The following DBF4B variants were observed in gnomAD, a reference collection of about 807,000 sequenced individuals.
DBF4B encodes the protein DBF4B-CDC7 kinase regulatory subunit.
Under a neutral mutation model 53.4 loss-of-function variants are expected in DBF4B, and 49 were observed. The ratio of observed to expected loss-of-function variants is 0.92; its 90% CI spans 0.73 to 1.16. DBF4B has a LOEUF of 1.16. DBF4B is among the 50% of genes most tolerant of loss of function. The probability of loss-of-function intolerance (pLI) is 0.00; values close to 1 mark genes in which losing one functional copy is unlikely to be tolerated. For missense variants in DBF4B, 692 were observed against 775.0 expected (o/e 0.89, Z 1.27); for synonymous variants, 257 against 288.7 (o/e 0.89, Z 1.11).
At chr17:44,710,449 A>C (rs940857559) in intron 2 of DBF4B, among the ~76,000 whole-genome samples, 1 of 152,164 alleles carries the variant, frequency 6.6e-6, no homozygotes, top group African/African-American at 2.4e-5. Flanking sequence ...GAAAAATTAC[A>C]GTATTTTCTC....
Position 44,730,932 on chromosome 17 carries a change from C to T in DBF4B, c.418-33C>T, listed in dbSNP as rs1215449547. ...ATCTTTCAGTGCACAGGTGGCCTAA[C>T]AGCAGACCTCACTGCTCTTCTGTCC... On this transcript the variant is annotated intron_variant, in intron 4 of 13. Coordinates refer to ENST00000315005, the MANE Select transcript of DBF4B (RefSeq NM_145663.3). 3 of 1,612,708 alleles carry T rather than the reference C, an allele frequency of 1.9e-6. No individual in the cohort carries two copies. The African/African-American group carries it at 4.0e-5, about 22-fold the overall frequency.
At chr17:44,724,982 G>A (rs563835142) in intron 3 of DBF4B, among the ~76,000 whole-genome samples, 27 of 152,156 alleles carry the variant, frequency 1.8e-4, no homozygotes, top group Non-Finnish European at 2.9e-4. Flanking sequence ...CGGGTGTGGC[G>A]GCACATGCCT....
intron 13 of DBF4B, chr17:44,748,798 G>A (rs575320707): frequency 6.3e-5 from 82 of 1,304,072 alleles, no homozygotes; most frequent in East Asian, 2.6e-4. Context: ...CAACCCCTGC[G>A]GCACCAGGAC....
intron 3 of DBF4B, among the ~76,000 whole-genome samples, chr17:44,727,098 C>CAAAAAAAAAAAAAAAAA (rs60326279): frequency 2.0e-5 from 1 of 49,502 alleles, no homozygotes; most frequent in African/African-American, 8.1e-5. Context: ...GACTCCATCT[C>CAAAAAAAAAAAAAAAAA]AAAAAAAAAA....
At chr17:44,727,167 C>A (rs1974434095) in intron 3 of DBF4B, among the ~76,000 whole-genome samples, 1 of 148,352 alleles carries the variant, frequency 6.7e-6, no homozygotes, top group Non-Finnish European at 1.5e-5. Flanking sequence ...TGCCTGTAAT[C>A]CCACTTTGGG....
chr17:44,727,864 A>ATTTTT (rs756222247), intron 3 of DBF4B, among the ~76,000 whole-genome samples: 1 of 106,738 alleles, frequency 9.4e-6, no homozygotes, highest in African/African-American at 3.7e-5. Context: ...TGCCCGGGTA[A>ATTTTT]TTTTTTTTTT....
In DBF4B at chr17:44,708,799, G is replaced by A. The variant is rs367543381; in HGVS notation, c.-22G>A. On this transcript the variant is annotated 5_prime_UTR_variant, in exon 1 of 14. Coordinates refer to ENST00000315005, the MANE Select transcript of DBF4B (RefSeq NM_145663.3). ...AGGCCTCTGAGGAAGGAGTACGGAG[G>A]CCGAGAAGGAGCCGGCATTTGATGA... The A allele has an allele frequency of 1.5e-5, 23 of 1,551,066 alleles. No individual in the cohort carries two copies. Among genetic ancestry groups the A allele is most frequent in the East Asian group, 2.4e-5 (1 of 40,918 alleles).
In DBF4B at chr17:44,749,393, G is replaced by C; in HGVS notation, c.1189+928G>C. On this transcript the variant is annotated intron_variant, in intron 13 of 13. Transcript: ENST00000315005. The surrounding 1 kb of genome is among the most constrained non-coding windows in gnomAD (Gnocchi z 4.4). ...ACAGATACAACTTACTCCTCTGCTG[G>C]GTGCTGCACACCCGGCCAGGGCTGA... The C allele has an allele frequency of 7.8e-7, 1 of 1,289,448 alleles. No individual in the cohort carries two copies. 79.9% of individuals were successfully genotyped at this position (1,289,448 alleles called of 1,614,324 possible).
intron 2 of DBF4B, among the ~76,000 whole-genome samples, chr17:44,714,540 C>T (rs1236094043): frequency 6.6e-6 from 1 of 151,772 alleles, no homozygotes; most frequent in Admixed American, 6.6e-5. Context: ...CCCTTACTAA[C>T]AGTATGATCT....
At chr17:44,747,812 G>T (rs2049146852) in intron 12 of DBF4B, among the ~76,000 whole-genome samples, 1 of 152,204 alleles carries the variant, frequency 6.6e-6, no homozygotes, top group Non-Finnish European at 1.5e-5. Context: ...GGAGCAGGGG[G>T]TTAGTGCTTG....
chr17:44,723,219 G>A (rs1366474092), intron 3 of DBF4B, among the ~76,000 whole-genome samples, 197 bp downstream of exon 3: 1 of 152,156 alleles, frequency 6.6e-6, no homozygotes, highest in African/African-American at 2.4e-5. Flanking sequence ...CAATTCTCCT[G>A]CCTCAACCTC....
chr17:44,723,026 G>C lies in DBF4B; in HGVS notation c.225+4G>C. 2.5e-6 allele frequency: 4 copies of C among 1,613,890 alleles called. No homozygotes were observed. The highest frequency in any genetic ancestry group is 3.4e-6 in the Non-Finnish European group (4 of 1,179,844). On this transcript the variant is annotated splice_donor_region_variant and intron_variant, in intron 3 of 13. Coordinates refer to ENST00000315005, the MANE Select transcript of DBF4B (RefSeq NM_145663.3). Reference sequence around the variant, plus strand: ...GGCCATTCAGCAACTGGGTGGGGTAGGTAACCTGCTCTTCTCCTGCGATGC... The same window carrying C: ...GGCCATTCAGCAACTGGGTGGGGTACGTAACCTGCTCTTCTCCTGCGATGC...
At chr17:44,709,435 A>G (rs1972664991) in intron 2 of DBF4B, 69 bp downstream of exon 2, 1 of 1,527,238 alleles carries the variant, frequency 6.5e-7, no homozygotes, top group Non-Finnish European at 9.1e-7. Flanking sequence ...GAAGACCGAA[A>G]AATGTTCCCC....
intron 3 of DBF4B, among the ~76,000 whole-genome samples, 179 bp from the exon 4 acceptor site, chr17:44,729,715 CACACACACACA>C (rs1974664185): frequency 6.6e-6 from 1 of 151,170 alleles, no homozygotes; most frequent in Non-Finnish European, 1.5e-5. Context: ...CACACACACA[CACACACACACA>C]CCCCATTAGA....
At chr17:44,709,177 G>T (rs1467712351) in intron 1 of DBF4B, 127 bp from the exon 2 acceptor site, 1 of 1,213,342 alleles carries the variant, frequency 8.2e-7, no homozygotes, top group East Asian at 2.3e-5. Context: ...GGTCGGAATG[G>T]AGTTGAGTCT....
At position 44,734,259 on chromosome 17, in the gene DBF4B, C is replaced by T. The variant is rs190239843; in HGVS notation, c.630+96C>T. On this transcript the variant is annotated intron_variant, in intron 7 of 13. Coordinates refer to ENST00000315005, the MANE Select transcript of DBF4B (RefSeq NM_145663.3). The stretch of plus-strand genomic sequence containing the variant: ...CCATGGCCCACCCAAACCATCTCTT[C>T]CTGGCCATTCTGAAAGATGGAAGAG... 56 of 1,470,190 alleles carry T rather than the reference C, an allele frequency of 3.8e-5. No individual in the cohort carries two copies. In the African/African-American group the frequency reaches 7.1e-4, roughly 19 times the overall value. The allele number at this position is 1,470,190 out of a possible 1,614,324, so 91.1% of individuals were successfully genotyped here. A position where few individuals can be genotyped will look rare whatever the true frequency, so the allele number is the denominator to read the frequency against.
intron 10 of DBF4B, among the ~76,000 whole-genome samples, chr17:44,744,281 G>A (rs933692228): frequency 1.3e-5 from 2 of 151,946 alleles, no homozygotes; most frequent in Non-Finnish European, 2.9e-5. Flanking sequence ...GCATGGTGGT[G>A]CAAGCCTGTA....
At chr17:44,727,576 TGAG>T (rs1461131197) in intron 3 of DBF4B, among the ~76,000 whole-genome samples, 1 of 152,202 alleles carries the variant, frequency 6.6e-6, no homozygotes, top group Admixed American at 6.5e-5. Context: ...ATGGATAGAA[TGAG>T]GATTATATAA....
intron 7 of DBF4B, among the ~76,000 whole-genome samples, chr17:44,736,130 C>A (rs902130601): frequency 6.6e-6 from 1 of 151,320 alleles, no homozygotes; most frequent in Non-Finnish European, 1.5e-5. Context: ...TACGGGCATG[C>A]GCCACCATGC....
Sources: gnomAD v4.1 joint callset for allele counts (sites outside exome capture counted in the v4.1 genomes callset) on GRCh38, gnomAD v4.1.1 for gene constraint, Gnocchi (gnomAD v3.1) non-coding constraint, MANE v1.5 for transcripts, NCBI Gene and HGNC (gene_info 2026-07-23, HGNC 2026-07-21) for gene names.